LAMA3: variants seen among roughly 807,000 people sequenced by gnomAD.
LAMA3 encodes laminin subunit alpha 3.
A neutral mutation model predicts 402.0 loss-of-function variants in LAMA3; 281 were observed. The ratio of observed to expected loss-of-function variants is 0.70; its 90% CI spans 0.63 to 0.77. LAMA3 has a LOEUF of 0.77. Among genes scored for constraint, LAMA3 ranks in the 30% least tolerant of loss-of-function variants. The probability of loss-of-function intolerance (pLI) is 0.00; values close to 1 mark genes in which losing one functional copy is unlikely to be tolerated. For synonymous variants in LAMA3, 1,431 were observed against 1,558.4 expected, an observed-to-expected ratio of 0.92 and a Z score of 1.93; for missense variants, 3,840 against 4,215.5, an observed-to-expected ratio of 0.91 and a Z score of 2.47.
At chr18:23,858,080 G>A in intron 33 of LAMA3, 92 bp downstream of exon 33, 1 of 1,428,946 alleles carries the variant, frequency 7.0e-7, no homozygotes, top group Non-Finnish European at 9.8e-7. Context: ...GTGGGAAATG[G>A]GACTGACCCG....
intron 15 of LAMA3, 59 bp from the exon 16 acceptor site, chr18:23,815,129 G>A: frequency 6.7e-7 from 1 of 1,482,608 alleles, no homozygotes. Context: ...AATGTTCCCA[G>A]AGCCAGGAAC....
chr18:23,868,854 T>TA (rs1230541441), intron 37 of LAMA3, among the ~76,000 whole-genome samples: 1 of 152,236 alleles, frequency 6.6e-6, no homozygotes, highest in East Asian at 1.9e-4. Flanking sequence ...AACTATTCCT[T>TA]AAAAATAGTG....
At chr18:23,708,760 T>G (rs2145883765) in intron 1 of LAMA3, among the ~76,000 whole-genome samples, 1 of 152,078 alleles carries the variant, frequency 6.6e-6, no homozygotes, top group Non-Finnish European at 1.5e-5. Flanking sequence ...TTATTTTTTA[T>G]TTTTATTTTT....
intron 2 of LAMA3, among the ~76,000 whole-genome samples, chr18:23,721,345 C>T (rs534921362): frequency 2.0e-4 from 31 of 152,150 alleles, no homozygotes; most frequent in East Asian, 1.9e-4. Flanking sequence ...GGTTCAAAGA[C>T]GTAAACTCCT....
rs780503959 is a variant in LAMA3 at position 23,838,870 on chromosome 18, C to T, written c.3183C>T (p.Val1061=). The T allele has an allele frequency of 6.3e-7, 1 of 1,593,996 alleles. No individual in the cohort carries two copies. The highest frequency in any genetic ancestry group is 8.6e-7 in the Non-Finnish European group (1 of 1,161,638). ...VHCIASYGRF[V]NQSATCVSLA... The stretch of plus-strand genomic sequence containing the variant: ...GCATTGCCAGTTATGGGCGATTTGT[C>T]AATCAAAGGTAATGTGTTTCCTTCC... The change falls in exon 26 of 75, where the codon GTC becomes GTT. Residue 1061 remains valine (V), a synonymous_variant. Coordinates refer to ENST00000313654, the MANE Select transcript of LAMA3 (RefSeq NM_198129.4).
At chr18:23,925,720 T>A (rs1365480067) in intron 62 of LAMA3, among the ~76,000 whole-genome samples, 2 of 152,198 alleles carry the variant, frequency 1.3e-5, no homozygotes, top group Admixed American at 6.5e-5. Context: ...AGACCCTGTA[T>A]CCTGGAGTAA....
intron 17 of LAMA3, 91 bp downstream of exon 17, chr18:23,815,664 G>A (rs573671659): frequency 7.7e-6 from 7 of 914,186 alleles, no homozygotes; most frequent in Admixed American, 5.7e-5. Context: ...TCATCTTCAC[G>A]CAGACTTTCT....
intron 9 of LAMA3, among the ~76,000 whole-genome samples, chr18:23,775,519 C>G (rs1288846993): frequency 6.6e-6 from 1 of 151,380 alleles, no homozygotes; most frequent in African/African-American, 2.4e-5. Context: ...GGCTTTGCCT[C>G]TGACTCAGTG....
chr18:23,788,259 A>T (rs1415381450), intron 12 of LAMA3, among the ~76,000 whole-genome samples: 1 of 152,016 alleles, frequency 6.6e-6, no homozygotes, highest in Admixed American at 6.5e-5. Context: ...GAGAGACATA[A>T]TATGTATAAT....
At chr18:23,741,733 T>C (rs1482576098) in intron 2 of LAMA3, among the ~76,000 whole-genome samples, 1 of 152,194 alleles carries the variant, frequency 6.6e-6, no homozygotes, top group Non-Finnish European at 1.5e-5. Context: ...TGGGGAAATA[T>C]GATGGACATC....
At chr18:23,924,054 T>C (rs1002564148) in intron 62 of LAMA3, among the ~76,000 whole-genome samples, 1 of 152,208 alleles carries the variant, frequency 6.6e-6, no homozygotes, top group African/African-American at 2.4e-5. Flanking sequence ...GGGGTCTTGC[T>C]GTGTTGCCCA....
chr18:23,726,526 A>G (rs1417968779), intron 2 of LAMA3, among the ~76,000 whole-genome samples: 1 of 152,236 alleles, frequency 6.6e-6, no homozygotes, highest in Non-Finnish European at 1.5e-5. Context: ...TATTTAGAGC[A>G]GGTGGGCCTG....
At chr18:23,881,521 C>A (rs1318848214) in intron 39 of LAMA3, among the ~76,000 whole-genome samples, 1 of 152,166 alleles carries the variant, frequency 6.6e-6, no homozygotes, top group Non-Finnish European at 1.5e-5. Flanking sequence ...TTTAAATCCT[C>A]CCAACAGGCT....
At position 23,833,981 on chromosome 18, in the gene LAMA3, A is replaced by C; in HGVS notation, c.2977A>C (p.Asn993His). The change falls in exon 24 of 75, where the codon AAC (asparagine) becomes CAC (histidine). Residue 993 changes from asparagine to histidine, a missense_variant. By Grantham distance (68) the Asn-to-His change is moderately conservative. This residue lies in a region of LAMA3 where 2,109 missense variants were observed against 2,376.0 expected (regional missense o/e 0.89). Coordinates refer to ENST00000313654, the MANE Select transcript of LAMA3 (RefSeq NM_198129.4). The part of the protein sequence containing the change: ...LAGQVNIYSC[N>H]YSVLCRSAVI... ...AGGCCAGGTGAACATTTACAGCTGC[A>C]ACTACAGGTACTCAGCCCCACCAAG... 6.2e-7 allele frequency: 1 copy of C among 1,614,264 alleles called. No individual in the cohort carries two copies. Among genetic ancestry groups the C allele is most frequent in the South Asian group, 1.1e-5 (1 of 91,090 alleles).
intron 3 of LAMA3, 117 bp downstream of exon 3, chr18:23,748,177 C>T: frequency 1.3e-6 from 1 of 781,328 alleles, no homozygotes; most frequent in Non-Finnish European, 2.2e-6. Context: ...CCCTATAATC[C>T]CAGCATTTTG....
intron 59 of LAMA3, 21 bp downstream of exon 59, chr18:23,915,443 A>G: frequency 6.2e-7 from 1 of 1,610,076 alleles, no homozygotes; most frequent in Non-Finnish European, 8.5e-7. Flanking sequence ...TGTAGAAACC[A>G]GAAACTCTGT....
intron 70 of LAMA3, among the ~76,000 whole-genome samples, chr18:23,947,609 A>G (rs557520253): frequency 6.6e-6 from 1 of 152,122 alleles, no homozygotes; most frequent in Non-Finnish European, 1.5e-5. Flanking sequence ...TATACAATAA[A>G]GTATATTTAT....
At chr18:23,785,530 C>A (rs2144025354) in intron 12 of LAMA3, among the ~76,000 whole-genome samples, 1 of 152,308 alleles carries the variant, frequency 6.6e-6, no homozygotes, top group Admixed American at 6.5e-5. Flanking sequence ...TATGTACTGA[C>A]AGGTAAAGCT....
rs759612295 is a variant in LAMA3, at chr18:23,954,905, A to G, written c.*257A>G. 4.4e-6 allele frequency: 2 copies of G among 450,558 alleles called. No individual in the cohort carries two copies. The highest frequency in any genetic ancestry group is 8.0e-6 in the Non-Finnish European group (2 of 250,726). The allele number at this position is 450,558 out of a possible 1,614,324, so 27.9% of individuals were successfully genotyped here. A position where few individuals can be genotyped will look rare whatever the true frequency, so the allele number is the denominator to read the frequency against. On this transcript the variant is annotated 3_prime_UTR_variant, in exon 75 of 75. Coordinates refer to ENST00000313654, the MANE Select transcript of LAMA3 (RefSeq NM_198129.4). ...TTGTTATGCACAGAATGTTTTTGGT[A>G]ATATTAATTTCCACTAAAAAATTAA...
Sources: allele counts gnomAD v4.1 joint callset (sites outside exome capture counted in the v4.1 genomes callset), GRCh38; gene constraint gnomAD v4.1.1; regional missense constraint gnomAD v4.1.1; transcripts MANE v1.5; gene names NCBI Gene and HGNC (gene_info 2026-07-23, HGNC 2026-07-21).